Variants in CHRNA3 observed in about 807,000 individuals in gnomAD.
CHRNA3 encodes the protein neuronal acetylcholine receptor subunit alpha-3.
CHRNA3 carries 34 observed loss-of-function variants against 41.9 expected under a neutral mutation model. That is an observed-to-expected ratio of 0.81 (90% CI 0.62 to 1.08). The LOEUF (loss-of-function observed/expected upper bound fraction) is 1.08. Among genes scored for constraint, CHRNA3 ranks in the 50% least tolerant of loss-of-function variants. CHRNA3 has a pLI of 0.00. For missense variants in CHRNA3, 542 were observed against 638.3 expected, an observed-to-expected ratio of 0.85 and a Z score of 1.63; for synonymous variants, 281 against 265.2, an observed-to-expected ratio of 1.06 and a Z score of -0.58.
Position 78,614,192 on chromosome 15 carries a change from A to T in CHRNA3, c.377+2832T>A, listed in dbSNP as rs529344769. On this transcript the variant is annotated intron_variant, in intron 4 of 5. Coordinates refer to ENST00000326828, the MANE Select transcript of CHRNA3 (RefSeq NM_000743.5). ...CTACAGTACTCCAGCTGTTCACTCAAGATTGCCAGCAAGGAAATGGCTATA... is the reference window on the plus strand; with the variant it reads ...CTACAGTACTCCAGCTGTTCACTCATGATTGCCAGCAAGGAAATGGCTATA... 5.3e-5 allele frequency among the ~76,000 whole-genome samples: 8 copies of T among 152,340 alleles called. No homozygotes were observed. The East Asian group carries it at 1.5e-3, about 29-fold the overall frequency.
At chr15:78,616,460 C>A (rs1158950587) in intron 4 of CHRNA3, among the ~76,000 whole-genome samples, 1 of 151,312 alleles carries the variant, frequency 6.6e-6, no homozygotes, top group Non-Finnish European at 1.5e-5. Context: ...TCTTCTCCAA[C>A]ACCCTCATTC....
At chr15:78,616,869 A>T (rs910847108) in intron 4 of CHRNA3, among the ~76,000 whole-genome samples, 155 bp downstream of exon 4, 3 of 152,196 alleles carry the variant, frequency 2.0e-5, no homozygotes, top group Non-Finnish European at 1.5e-5. Flanking sequence ...GGTACCTGGT[A>T]TGTAGTAGTT....
At chr15:78,617,225 A>C (rs1596084596) in intron 3 of CHRNA3, 92 bp from the exon 4 acceptor site, 1 of 753,018 alleles carries the variant, frequency 1.3e-6, no homozygotes. Context: ...GTGACTCCCC[A>C]CCCCTGCTGC....
chr15:78,616,999 G>C (rs1013405784), intron 4 of CHRNA3, 25 bp downstream of exon 4: 1 of 1,549,776 alleles, frequency 6.5e-7, no homozygotes. Flanking sequence ...AGCCCTGAGA[G>C]GGCGTGGGCC....
chr15:78,601,971 C>T lies in CHRNA3; in HGVS notation c.671G>A (p.Cys224Tyr). ...GYKHDIKYNC[C>Y]EEIYPDITYS... ...TGTGATGTCGGGGTAGATCTCCTCG[C>T]AGCAGTTGTACTTGATGTCGTGTTT... Residue 224 changes from cysteine to tyrosine, a missense_variant, in exon 5 of 6, where the codon TGC (cysteine) becomes TAC (tyrosine). Cys to Tyr is a radical substitution (Grantham distance 194). Transcript: ENST00000326828. The T allele has an allele frequency of 1.2e-6, 2 of 1,611,294 alleles. No homozygotes were observed. The highest frequency in any genetic ancestry group is 1.7e-6 in the Non-Finnish European group (2 of 1,178,774).
Position 78,601,865 on chromosome 15 carries a change from A to G in CHRNA3, c.777T>C (p.Thr259=), listed in dbSNP as rs976553743. The G allele has an allele frequency of 1.9e-6, 3 of 1,613,970 alleles. No homozygotes were observed. The highest frequency in any genetic ancestry group is 1.3e-5 in the African/African-American group (1 of 74,920). The change falls in exon 5 of 6, where the codon ACT becomes ACC. Residue 259 remains threonine, a synonymous_variant. Transcript: ENST00000326828. ...IIPCLLISFL[T]VLVFYLPSDC... is the part of the protein sequence containing the mutation. ...CGGAGGGCAGGTAGAAGACGAGCACAGTGAGGAAGGAGATGAGCAGGCAGG... is the reference window on the plus strand; with the variant it reads ...CGGAGGGCAGGTAGAAGACGAGCACGGTGAGGAAGGAGATGAGCAGGCAGG...
At chr15:78,594,061 C>T (rs1414105551), downstream of CHRNA3, 1 of 152,052 alleles carries the variant, frequency 6.6e-6, no homozygotes, top group African/African-American at 2.4e-5. Flanking sequence ...ATAACAACAA[C>T]TTAATGTGCT....
intron 5 of CHRNA3, among the ~76,000 whole-genome samples, chr15:78,601,035 G>A (rs2141324511): frequency 6.6e-6 from 1 of 152,042 alleles, no homozygotes; most frequent in East Asian, 1.9e-4. Flanking sequence ...TAGCTTCAGG[G>A]TACCACATAC....
chr15:78,596,092 A>AAGC lies in CHRNA3; in HGVS notation c.*509_*511dup. On this transcript the variant is annotated 3_prime_UTR_variant, in exon 6 of 6. Transcript: ENST00000326828. Reference sequence around the variant, plus strand: ...TAGAAGTATGCAAGAGAAGTAGTTGAAGCTCTCTGAAATGGAGGCATAGCC... The same window carrying AAGC: ...TAGAAGTATGCAAGAGAAGTAGTTGAAGCAGCTCTCTGAAATGGAGGCATAGCC... The AAGC allele has an allele frequency of 2.0e-6, 2 of 985,278 alleles. No homozygotes were observed. Among genetic ancestry groups the AAGC allele is most frequent in the Non-Finnish European group, 2.4e-6 (2 of 829,778 alleles). The allele number at this position is 985,278 out of a possible 1,614,324, so 61.0% of individuals were successfully genotyped here. A position where few individuals can be genotyped will look rare whatever the true frequency, so the allele number is the denominator to read the frequency against.
At chr15:78,608,379 G>C (rs183966282) in intron 4 of CHRNA3, among the ~76,000 whole-genome samples, 5 of 152,278 alleles carry the variant, frequency 3.3e-5, no homozygotes, top group East Asian at 3.9e-4. Context: ...CCAGAGGAAC[G>C]ATCAGGCAGC....
chr15:78,604,326 C>T (rs1177556355), intron 4 of CHRNA3, among the ~76,000 whole-genome samples: 1 of 152,168 alleles, frequency 6.6e-6, no homozygotes, highest in Non-Finnish European at 1.5e-5. Flanking sequence ...CTTCATTTTG[C>T]CAAAGAGAAA....
chr15:78,607,962 T>C (rs911671404), intron 4 of CHRNA3, among the ~76,000 whole-genome samples: 3 of 152,200 alleles, frequency 2.0e-5, no homozygotes, highest in Admixed American at 6.5e-5. Context: ...CACGGAGTCT[T>C]GCTGATGGCT....
At chr15:78,607,979 G>A (rs1038903034) in intron 4 of CHRNA3, among the ~76,000 whole-genome samples, 7 of 152,234 alleles carry the variant, frequency 4.6e-5, no homozygotes, top group Non-Finnish European at 5.9e-5. Flanking sequence ...GGCTAGCACA[G>A]CAGTCTGAGA....
intron 5 of CHRNA3, among the ~76,000 whole-genome samples, 187 bp from the exon 6 acceptor site, chr15:78,596,919 GGA>G (rs2053122832): frequency 6.6e-6 from 1 of 152,128 alleles, no homozygotes; most frequent in African/African-American, 2.4e-5. Context: ...TGTTTATGCA[GGA>G]GAGAAACAGG....
chr15:78,596,338 A>G lies in CHRNA3; in HGVS notation c.*266T>C. ...GGAAACATTTTTACATGTATATTCCATAGCATAGCATACTAATCACATAGA... is the reference window on the plus strand; with the variant it reads ...GGAAACATTTTTACATGTATATTCCGTAGCATAGCATACTAATCACATAGA... On this transcript the variant is annotated 3_prime_UTR_variant, in exon 6 of 6. Transcript: ENST00000326828. The G allele has an allele frequency of 9.3e-7, 1 of 1,080,114 alleles. No homozygotes were observed. The highest frequency in any genetic ancestry group is 1.1e-6 in the Non-Finnish European group (1 of 891,154). 66.9% of individuals were successfully genotyped at this position (1,080,114 alleles called of 1,614,324 possible).
rs142484006 is a variant in CHRNA3 at position 78,617,008 on chromosome 15, C to T, written c.377+16G>A. On this transcript the variant is annotated intron_variant, in intron 4 of 5. Coordinates refer to ENST00000326828, the MANE Select transcript of CHRNA3 (RefSeq NM_000743.5). The stretch of plus-strand genomic sequence containing the variant: ...GCTGACAGCCCTGAGAGGGCGTGGG[C>T]CCCCCAGCACCTTACTTGTTATACA... 6.3e-5 allele frequency: 100 copies of T among 1,581,058 alleles called. No individual in the cohort carries two copies. Among genetic ancestry groups the T allele is most frequent in the Non-Finnish European group, 7.3e-5 (84 of 1,153,574 alleles).
intron 1 of CHRNA3, 28 bp downstream of exon 1, chr15:78,620,682 CCCT>C: frequency 6.7e-7 from 1 of 1,500,254 alleles, no homozygotes; most frequent in Non-Finnish European, 8.8e-7. Context: ...GGGCGCCCGT[CCCT>C]CCGGAGCCCT....
chr15:78,620,831 G>C lies in CHRNA3; in HGVS notation c.-37C>G. The C allele has an allele frequency of 1.5e-6, 2 of 1,342,976 alleles. No individual in the cohort carries two copies. Among genetic ancestry groups the C allele is most frequent in the Non-Finnish European group, 1.9e-6 (2 of 1,056,816 alleles). The allele number at this position is 1,342,976 out of a possible 1,614,324, so 83.2% of individuals were successfully genotyped here. A position where few individuals can be genotyped will look rare whatever the true frequency, so the allele number is the denominator to read the frequency against. On this transcript the variant is annotated 5_prime_UTR_variant, in exon 1 of 6. Transcript: ENST00000326828. Reference sequence around the variant, plus strand: ...GGGCTGGCCGCGGACCCGGACGGTCGGGAGCGGGCGCGGCGGTCGCAGAGA... The same window carrying C: ...GGGCTGGCCGCGGACCCGGACGGTCCGGAGCGGGCGCGGCGGTCGCAGAGA...
intron 4 of CHRNA3, among the ~76,000 whole-genome samples, chr15:78,609,697 A>C (rs908033376): frequency 3.9e-5 from 6 of 152,136 alleles, no homozygotes; most frequent in Non-Finnish European, 5.9e-5. Flanking sequence ...CAGCTAACAT[A>C]ATAATGACAG....
Sources: allele counts gnomAD v4.1 joint callset (sites outside exome capture counted in the v4.1 genomes callset), GRCh38; gene constraint gnomAD v4.1.1; transcripts MANE v1.5; gene names NCBI Gene and HGNC (gene_info 2026-07-23, HGNC 2026-07-21).